The following CHD1 variants were observed in gnomAD, a reference collection of about 807,000 sequenced individuals.
CHD1 encodes the protein ATP-dependent chromatin remodeler CHD1.
CHD1 carries 36 observed loss-of-function variants against 224.2 expected under a neutral mutation model. The observed-to-expected ratio is 0.16, with a 90% CI of 0.12 to 0.21. The LOEUF is 0.21. CHD1 is among the 10% of genes least tolerant of loss of function. CHD1 has a pLI of 1.00. For synonymous variants in CHD1, 668 were observed against 658.3 expected, an observed-to-expected ratio of 1.01 and a Z score of -0.23; for missense variants, 1,378 against 1,994.8, an observed-to-expected ratio of 0.69 and a Z score of 5.89.
chr5:98,868,751 CATTGA>C lies in CHD1; in HGVS notation c.4108-121_4108-117del, dbSNP rs1046434426. 6.3e-5 allele frequency: 61 copies of C among 966,090 alleles called. 2 individuals are homozygous for C. The Admixed American group carries it at 1.5e-3, about 24-fold the overall frequency. The allele number at this position is 966,090 out of a possible 1,614,324, so 59.8% of individuals were successfully genotyped here. A position where few individuals can be genotyped will look rare whatever the true frequency, so the allele number is the denominator to read the frequency against. ...ATTTTATTCTACAAGTGCTCATTCT[CATTGA>C]ATATCCTCATCTATTTTAATTTGTT... On this transcript the variant is annotated intron_variant, in intron 30 of 35. Coordinates refer to ENST00000614616, the MANE Select transcript of CHD1 (RefSeq NM_001270.4).
In CHD1 at chr5:98,903,078, A is replaced by C. The variant is rs559854152; in HGVS notation, c.373-114T>G. 1.0e-4 allele frequency: 54 copies of C among 530,670 alleles called. 1 individual carries two copies. In the South Asian group the frequency reaches 1.2e-3, roughly 12 times the overall value. 32.9% of individuals were successfully genotyped at this position (530,670 alleles called of 1,614,324 possible). ...ACTTTACAAATAACAGCACTTGTGA[A>C]GCCTTTTTTCAATGTAGTTTTATTT... On this transcript the variant is annotated intron_variant, in intron 4 of 35. Coordinates refer to ENST00000614616, the MANE Select transcript of CHD1 (RefSeq NM_001270.4).
At chr5:98,918,990 A>G (rs1054458722) in intron 2 of CHD1, among the ~76,000 whole-genome samples, 4 of 152,194 alleles carry the variant, frequency 2.6e-5, no homozygotes, top group African/African-American at 7.2e-5. Context: ...ACTCAATTGC[A>G]TATTTAAACT....
At chr5:98,913,724 T>C (rs1419816151) in intron 2 of CHD1, among the ~76,000 whole-genome samples, 1 of 152,176 alleles carries the variant, frequency 6.6e-6, no homozygotes, top group Non-Finnish European at 1.5e-5. Context: ...GAAAAGATGT[T>C]ATTAGTTGGT....
At position 98,856,558 on chromosome 5, in the gene CHD1, T is replaced by C; in HGVS notation, c.4955A>G (p.His1652Arg). Reference sequence around the variant, plus strand: ...ATACCTATAATCCCTGGAAGATTTATGGTGCGTATATTCAGAACTTGACCG... The same window carrying C: ...ATACCTATAATCCCTGGAAGATTTACGGTGCGTATATTCAGAACTTGACCG... ...DHRSSSEYTH[H>R]KSSRDYRYHS... is the part of the protein sequence containing the mutation. The change falls in exon 36 of 36, where the codon CAT becomes CGT. Residue 1652 changes from histidine (H) to arginine (R), a missense_variant. By Grantham distance (29) the His-to-Arg change is conservative. Around this residue, in one of 16 missense-constraint regions of CHD1, gnomAD observed 278 missense variants for 298.5 expected, o/e 0.93. Transcript: ENST00000614616. 1 of 1,613,878 alleles carries C rather than the reference T, an allele frequency of 6.2e-7. No homozygotes were observed. Among genetic ancestry groups the C allele is most frequent in the Non-Finnish European group, 8.5e-7 (1 of 1,179,822 alleles).
intron 28 of CHD1, among the ~76,000 whole-genome samples, chr5:98,871,460 A>T (rs982933917): frequency 1.7e-4 from 25 of 149,856 alleles, no homozygotes; most frequent in African/African-American, 5.6e-4. Flanking sequence ...GATGTTTTTT[A>T]AAAATAAATA....
chr5:98,907,783 T>C (rs1456031419), intron 2 of CHD1, among the ~76,000 whole-genome samples: 1 of 151,938 alleles, frequency 6.6e-6, no homozygotes, highest in Non-Finnish European at 1.5e-5. Flanking sequence ...CCCAACTAAT[T>C]TGAAAATGAT....
At chr5:98,923,783 AG>A (rs1753265893) in intron 2 of CHD1, among the ~76,000 whole-genome samples, 1 of 152,224 alleles carries the variant, frequency 6.6e-6, no homozygotes, top group African/African-American at 2.4e-5. Context: ...TAGATATGGC[AG>A]AAAAATATAT....
intron 26 of CHD1, among the ~76,000 whole-genome samples, chr5:98,873,077 C>T (rs543755922): frequency 2.6e-5 from 4 of 152,314 alleles, no homozygotes; most frequent in South Asian, 4.1e-4. Context: ...AAACTCCCAT[C>T]TCAGCCTCCA....
intron 22 of CHD1, 118 bp from the exon 23 acceptor site, chr5:98,879,846 C>G (rs1249496052): frequency 1.6e-6 from 1 of 608,412 alleles, no homozygotes; most frequent in Non-Finnish European, 2.8e-6. Context: ...GTGGACTAAA[C>G]CAAATATAAC....
At chr5:98,912,260 T>C (rs1469153117) in intron 2 of CHD1, among the ~76,000 whole-genome samples, 1 of 152,050 alleles carries the variant, frequency 6.6e-6, no homozygotes, top group African/African-American at 2.4e-5. Context: ...AAAATGAAAA[T>C]ACAATTATCT....
chr5:98,886,837 A>G (rs1402971811), intron 17 of CHD1, among the ~76,000 whole-genome samples: 1 of 152,178 alleles, frequency 6.6e-6, no homozygotes, highest in African/African-American at 2.4e-5. Flanking sequence ...ACCAAATAAA[A>G]TTAAAAATTA....
chr5:98,922,708 C>T (rs997328132), intron 2 of CHD1, among the ~76,000 whole-genome samples: 1 of 152,150 alleles, frequency 6.6e-6, no homozygotes, highest in Non-Finnish European at 1.5e-5. Context: ...ATATTAGGGG[C>T]CAGGCACGGT....
intron 24 of CHD1, 56 bp from the exon 25 acceptor site, chr5:98,875,169 CG>C: frequency 1.1e-6 from 1 of 951,744 alleles, no homozygotes. Context: ...TAAAATTATA[CG>C]TATTTCTGAT....
chr5:98,913,407 G>A (rs1414007898), intron 2 of CHD1, among the ~76,000 whole-genome samples: 1 of 152,132 alleles, frequency 6.6e-6, no homozygotes, highest in African/African-American at 2.4e-5. Flanking sequence ...CCAGGGGTTC[G>A]AGGCTGCAAT....
intron 9 of CHD1, 30 bp downstream of exon 9, chr5:98,898,634 A>G: frequency 2.9e-6 from 4 of 1,378,684 alleles, no homozygotes; most frequent in South Asian, 1.2e-5. Flanking sequence ...GCATAAAAAG[A>G]AAGTTTAACT....
chr5:98,888,927 G>T, intron 16 of CHD1, 149 bp downstream of exon 16: 1 of 453,696 alleles, frequency 2.2e-6, no homozygotes, highest in South Asian at 6.2e-5. Flanking sequence ...TTTCTACAAA[G>T]ATTAATAACT....
intron 3 of CHD1, 86 bp from the exon 4 acceptor site, chr5:98,903,994 T>C: frequency 4.0e-6 from 3 of 749,804 alleles, no homozygotes; most frequent in Non-Finnish European, 4.5e-6. Context: ...TATACCACCA[T>C]CTTTACTGCC....
intron 22 of CHD1, among the ~76,000 whole-genome samples, chr5:98,880,341 T>C (rs1055013588): frequency 2.6e-5 from 4 of 152,226 alleles, no homozygotes; most frequent in Non-Finnish European, 4.4e-5. Context: ...TATCTCCCCC[T>C]GCTATAGCTC....
intron 2 of CHD1, among the ~76,000 whole-genome samples, chr5:98,907,066 T>G (rs1157856526): frequency 6.6e-6 from 1 of 152,342 alleles, no homozygotes; most frequent in East Asian, 1.9e-4. Flanking sequence ...TCATTCCAGA[T>G]GCATAGCTAG....
Sources: allele counts gnomAD v4.1 joint callset (sites outside exome capture counted in the v4.1 genomes callset), GRCh38; gene constraint gnomAD v4.1.1; regional missense constraint gnomAD v4.1.1; transcripts MANE v1.5; gene names NCBI Gene and HGNC (gene_info 2026-07-23, HGNC 2026-07-21).